Variants in CCDC171 observed in about 807,000 individuals in gnomAD.
The protein encoded by CCDC171 is coiled-coil domain containing 171, also known as coiled-coil domain-containing protein 171.
Under a neutral mutation model 168.2 loss-of-function variants are expected in CCDC171, and 177 were observed. The observed-to-expected ratio is 1.05, with a 90% confidence interval of 0.93 to 1.19. The LOEUF is 1.19. Among genes scored for constraint, CCDC171 ranks in the 50% most tolerant of loss-of-function variants. CCDC171 has a pLI of 0.00. For synonymous variants in CCDC171, 687 were observed against 540.8 expected, an observed-to-expected ratio of 1.27 and a Z score of -3.75; for missense variants, 1,991 against 1,539.0, an observed-to-expected ratio of 1.29 and a Z score of -4.91.
At chr9:16,085,382 C>T in the CCDC171 span, among the ~76,000 whole-genome samples, 1 of 152,214 alleles carries the variant, frequency 6.6e-6, no homozygotes, top group African/African-American at 2.4e-5. Flanking sequence ...GCATGTAGCA[C>T]TGAAATGGGT....
intron 21 of CCDC171, among the ~76,000 whole-genome samples, chr9:15,806,227 A>C (rs902959646): frequency 6.6e-6 from 1 of 152,112 alleles, no homozygotes; most frequent in Non-Finnish European, 1.5e-5. Context: ...CATTTAGCCC[A>C]TTTACACTTA....
At chr9:15,971,304 G>A (rs1217975553) in intron 25 of CCDC171, among the ~76,000 whole-genome samples, 1 of 152,024 alleles carries the variant, frequency 6.6e-6, no homozygotes, top group Non-Finnish European at 1.5e-5. Context: ...TGAAGTCAAG[G>A]TAAAAATCCC....
chr9:15,851,186 A>G (rs906950619), intron 23 of CCDC171, among the ~76,000 whole-genome samples: 1 of 152,010 alleles, frequency 6.6e-6, no homozygotes, highest in Non-Finnish European at 1.5e-5. Context: ...TTTAAGCAAC[A>G]TATTTCATTC....
downstream of CCDC171, among the ~76,000 whole-genome samples, chr9:16,062,833 A>T (rs1564140959): frequency 1.3e-5 from 2 of 152,170 alleles, no homozygotes; most frequent in Non-Finnish European, 2.9e-5. Flanking sequence ...GTACTTGGAG[A>T]TCCTTGAAGG....
intron 21 of CCDC171, among the ~76,000 whole-genome samples, chr9:15,788,163 G>T (rs1258829094): frequency 2.0e-5 from 3 of 152,134 alleles, no homozygotes; most frequent in Non-Finnish European, 4.4e-5. Context: ...AGGCAACATG[G>T]TTCAATGGGA....
At chr9:15,960,853 A>G (rs983265509) in intron 25 of CCDC171, among the ~76,000 whole-genome samples, 10 of 152,132 alleles carry the variant, frequency 6.6e-5, no homozygotes, top group African/African-American at 2.4e-4. Flanking sequence ...GAACTGTTCA[A>G]AGGGTCCACA....
chr9:16,092,518 G>A, the CCDC171 span, among the ~76,000 whole-genome samples: 24,120 of 152,034 alleles, frequency 0.16, 2,010 homozygotes, highest in South Asian at 0.2. Flanking sequence ...CCACCCCGCC[G>A]CCCAAGCAGG....
rs1266506882 is a variant in CCDC171 at position 15,801,507 on chromosome 9, G to GT, written c.3267+16819dup. Among the ~76,000 whole-genome samples, 10 of 152,124 alleles carry GT rather than the reference G, an allele frequency of 6.6e-5. No homozygotes were observed. The East Asian group carries it at 1.9e-3, about 29-fold the overall frequency. The stretch of plus-strand genomic sequence containing the variant: ...GTGAATTTGTTTATCAGTTCTAATA[G>GT]TTTTTTGGTGGAGTTTTTAGGTTTT... On this transcript the variant is annotated intron_variant, in intron 21 of 25. Coordinates refer to ENST00000380701, the MANE Select transcript of CCDC171 (RefSeq NM_173550.4).
At chr9:15,620,768 C>T (rs1011865487) in intron 6 of CCDC171, among the ~76,000 whole-genome samples, 4 of 152,194 alleles carry the variant, frequency 2.6e-5, no homozygotes, top group African/African-American at 9.6e-5. Flanking sequence ...AAGAAAGAGT[C>T]AACCAATGTA....
the CCDC171 span, among the ~76,000 whole-genome samples, chr9:16,082,281 A>G: frequency 6.6e-6 from 1 of 152,216 alleles, no homozygotes; most frequent in Non-Finnish European, 1.5e-5. Context: ...TATGCTATAA[A>G]ATGATTATTT....
intron 10 of CCDC171, among the ~76,000 whole-genome samples, chr9:15,693,576 A>G (rs1027694745): frequency 5.9e-5 from 9 of 152,186 alleles, no homozygotes; most frequent in Non-Finnish European, 8.8e-5. Flanking sequence ...CATAATTGTG[A>G]TAAGTGCTGA....
chr9:15,958,688 G>T (rs1182292916), intron 25 of CCDC171, among the ~76,000 whole-genome samples: 1 of 151,986 alleles, frequency 6.6e-6, no homozygotes, highest in East Asian at 1.9e-4. Context: ...ATGCAAAAGT[G>T]GCTCCAAGAC....
At chr9:15,759,555 T>C (rs1008907857) in intron 18 of CCDC171, among the ~76,000 whole-genome samples, 8 of 152,200 alleles carry the variant, frequency 5.3e-5, no homozygotes, top group African/African-American at 1.7e-4. Flanking sequence ...GTTTTTTTAG[T>C]CTCCAGTATG....
chr9:15,642,343 GTATA>G (rs55976539), intron 7 of CCDC171, among the ~76,000 whole-genome samples: 2,407 of 106,408 alleles, frequency 0.023, 39 homozygotes, highest in South Asian at 0.045. Context: ...GTGTGTGTGT[GTATA>G]TATATATATA....
chr9:16,021,541 A>T (rs1247714659), intron 4 of CCDC171, among the ~76,000 whole-genome samples: 2 of 152,236 alleles, frequency 1.3e-5, no homozygotes, highest in African/African-American at 4.8e-5. Flanking sequence ...GAGGAATCAA[A>T]ACCAGTTTCT....
intron 24 of CCDC171, among the ~76,000 whole-genome samples, chr9:15,902,245 C>CATATAT (rs944291659): frequency 1.9e-5 from 2 of 107,494 alleles, no homozygotes; most frequent in African/African-American, 8.6e-5. Context: ...CTATAAAATT[C>CATATAT]ATATATATAT....
intron 21 of CCDC171, among the ~76,000 whole-genome samples, chr9:15,792,886 CCA>C (rs2058340772): frequency 1.3e-5 from 2 of 151,836 alleles, no homozygotes; most frequent in African/African-American, 4.8e-5. Context: ...ATTGTAAAGA[CCA>C]TCGAGGCTAG....
the CCDC171 span, among the ~76,000 whole-genome samples, chr9:16,103,917 A>C: frequency 6.6e-5 from 10 of 152,310 alleles, no homozygotes; most frequent in African/African-American, 2.2e-4. Context: ...AATAAAAACC[A>C]GCTTTCTCTA....
the CCDC171 span, among the ~76,000 whole-genome samples, chr9:16,097,474 C>T: frequency 1.3e-5 from 2 of 152,286 alleles, no homozygotes; most frequent in African/African-American, 2.4e-5. Flanking sequence ...GCATTATTCT[C>T]ATTTTATTAG....
Sources: gnomAD v4.1 joint callset for allele counts (sites outside exome capture counted in the v4.1 genomes callset) on GRCh38, gnomAD v4.1.1 for gene constraint, MANE v1.5 for transcripts, NCBI Gene and HGNC (gene_info 2026-07-23, HGNC 2026-07-21) for gene names.